Variants in STK32B observed in about 807,000 individuals in gnomAD.
The protein encoded by STK32B is serine/threonine-protein kinase 32B.
Under a neutral mutation model 52.6 loss-of-function variants are expected in STK32B, and 43 were observed. The ratio of observed to expected loss-of-function variants is 0.82; its 90% CI spans 0.64 to 1.05. The LOEUF (loss-of-function observed/expected upper bound fraction) is 1.05, where lower values mean the gene tolerates loss of function less well. STK32B is among the 50% of genes least tolerant of loss of function. The probability of loss-of-function intolerance (pLI) is 0.00; values close to 1 mark genes in which losing one functional copy is unlikely to be tolerated. For synonymous variants in STK32B, 238 were observed against 204.3 expected (o/e 1.17, Z -1.41); for missense variants, 621 against 534.6 (o/e 1.16, Z -1.59).
At chr4:5,490,698 A>G (rs928745286) in intron 11 of STK32B, among the ~76,000 whole-genome samples, 8 of 152,032 alleles carry the variant, frequency 5.3e-5, no homozygotes, top group Non-Finnish European at 1.0e-4. Context: ...AGCATTAGGT[A>G]TATCTCCTAA....
chr4:5,205,711 T>TCAC (rs1722528096), intron 3 of STK32B, among the ~76,000 whole-genome samples: 1 of 122,616 alleles, frequency 8.2e-6, no homozygotes, highest in South Asian at 2.6e-4. Flanking sequence ...CGCGTGTGTG[T>TCAC]GTGTGTGTGT....
chr4:5,283,605 A>G (rs1419643330), intron 3 of STK32B, among the ~76,000 whole-genome samples: 1 of 152,148 alleles, frequency 6.6e-6, no homozygotes, highest in Non-Finnish European at 1.5e-5. Context: ...TAAGAAACAA[A>G]TCACATTCAA....
chr4:5,187,614 CGGGCGG>C (rs1720845736), intron 3 of STK32B, among the ~76,000 whole-genome samples: 1 of 12,976 alleles, frequency 7.7e-5, no homozygotes, highest in Non-Finnish European at 1.3e-4. Flanking sequence ...TGGCAGGGGC[CGGGCGG>C]GGGAGGGGGG....
At chr4:5,389,331 G>A (rs1193583810) in intron 4 of STK32B, among the ~76,000 whole-genome samples, 6 of 152,162 alleles carry the variant, frequency 3.9e-5, no homozygotes, top group African/African-American at 1.4e-4. Flanking sequence ...ACCACAGGCT[G>A]GGCAGCTTAA....
At chr4:5,342,040 A>G (rs181013267) in intron 4 of STK32B, among the ~76,000 whole-genome samples, 22 of 152,206 alleles carry the variant, frequency 1.4e-4, no homozygotes, top group Admixed American at 3.9e-4. Flanking sequence ...GGCAAAAGTC[A>G]GGAAACAACA....
intron 1 of STK32B, among the ~76,000 whole-genome samples, chr4:5,068,826 G>T (rs749930111): frequency 6.6e-6 from 1 of 151,998 alleles, no homozygotes; most frequent in Non-Finnish European, 1.5e-5. Flanking sequence ...AAATTAAGAC[G>T]GATGCAAAAC....
At chr4:5,335,194 G>T (rs539541906) in intron 4 of STK32B, among the ~76,000 whole-genome samples, 2 of 152,194 alleles carry the variant, frequency 1.3e-5, no homozygotes, top group African/African-American at 4.8e-5. Flanking sequence ...CTTCTTCCTG[G>T]TTTAGTCTTG....
rs78171401 is a variant in STK32B at position 5,428,768 on chromosome 4, T to C, written c.562+11834T>C. Among the ~76,000 whole-genome samples, 791 of 152,348 alleles carry C rather than the reference T, an allele frequency of 5.2e-3. 12 individuals carry two copies. Among genetic ancestry groups the C allele is most frequent in the African/African-American group, 0.018 (757 of 41,590 alleles). ...GTGTTGGAATTCCCAGCTATGATTGTAAATTTCTCTGTTTTTCCTTGCTTT... is the reference window on the plus strand; with the variant it reads ...GTGTTGGAATTCCCAGCTATGATTGCAAATTTCTCTGTTTTTCCTTGCTTT... On this transcript the variant is annotated intron_variant, in intron 6 of 11. Coordinates refer to ENST00000282908, the MANE Select transcript of STK32B (RefSeq NM_018401.3).
chr4:5,337,283 CCAGA>C (rs1316796672), intron 4 of STK32B, among the ~76,000 whole-genome samples: 3 of 152,030 alleles, frequency 2.0e-5, no homozygotes, highest in Non-Finnish European at 2.9e-5. Context: ...GCCACAGTGC[CCAGA>C]CAGTTTTTAA....
chr4:5,310,856 G>C (rs930584162), intron 3 of STK32B, among the ~76,000 whole-genome samples: 1 of 152,132 alleles, frequency 6.6e-6, no homozygotes, highest in Non-Finnish European at 1.5e-5. Context: ...GTACTATTTA[G>C]CCATAAAAAA....
intron 4 of STK32B, among the ~76,000 whole-genome samples, chr4:5,377,294 G>A (rs1311839379): frequency 6.6e-6 from 1 of 152,166 alleles, no homozygotes; most frequent in Non-Finnish European, 1.5e-5. Context: ...AGCAAAAGGG[G>A]TGAAATATTA....
At chr4:5,436,587 G>T in intron 6 of STK32B, 1 of 985,422 alleles carries the variant, frequency 1.0e-6, no homozygotes, top group Non-Finnish European at 1.2e-6. Context: ...AAGCTATGCT[G>T]CTCCTAGGGG....
intron 3 of STK32B, among the ~76,000 whole-genome samples, chr4:5,196,434 A>G (rs2108770593): frequency 6.7e-6 from 1 of 148,714 alleles, no homozygotes; most frequent in East Asian, 2.0e-4. Context: ...TTAAAATTCA[A>G]GATAAGGGCC....
chr4:5,222,249 G>C (rs1018265374), intron 3 of STK32B, among the ~76,000 whole-genome samples: 1 of 152,144 alleles, frequency 6.6e-6, no homozygotes, highest in South Asian at 2.1e-4. Context: ...TACCAAGAGT[G>C]GGGTGTTACT....
At chr4:5,419,690 C>T (rs1712464404) in intron 6 of STK32B, among the ~76,000 whole-genome samples, 1 of 152,148 alleles carries the variant, frequency 6.6e-6, no homozygotes, top group South Asian at 2.1e-4. Flanking sequence ...TTGTGTTTTG[C>T]TGCTACCCAC....
intron 6 of STK32B, among the ~76,000 whole-genome samples, chr4:5,439,344 T>C (rs934461533): frequency 6.6e-6 from 1 of 151,752 alleles, no homozygotes; most frequent in Non-Finnish European, 1.5e-5. Context: ...TGCATTTCTC[T>C]GATGGCCAGT....
At chr4:5,445,994 C>T (rs6846344) in intron 6 of STK32B, among the ~76,000 whole-genome samples, 18,523 of 152,202 alleles carry the variant, frequency 0.12, 1,604 homozygotes, top group East Asian at 0.47. Flanking sequence ...TCTCAACCCC[C>T]TGGGGGTTCT....
chr4:5,136,175 G>C (rs1716063645), intron 1 of STK32B, among the ~76,000 whole-genome samples: 1 of 152,168 alleles, frequency 6.6e-6, no homozygotes, highest in South Asian at 2.1e-4. Context: ...AGGAGAGCTG[G>C]GTTTTTGTTA....
chr4:5,402,605 C>T (rs751094360), intron 5 of STK32B, among the ~76,000 whole-genome samples: 1 of 152,092 alleles, frequency 6.6e-6, no homozygotes, highest in Non-Finnish European at 1.5e-5. Flanking sequence ...GGTGACTGTT[C>T]TCTGTCCTGG....
Sources: gnomAD v4.1 joint callset for allele counts (sites outside exome capture counted in the v4.1 genomes callset) on GRCh38, gnomAD v4.1.1 for gene constraint, MANE v1.5 for transcripts, NCBI Gene and HGNC (gene_info 2026-07-23, HGNC 2026-07-21) for gene names.